Variants in CPNE8 observed in about 807,000 individuals in gnomAD.
The protein encoded by CPNE8 is copine-8.
Under a neutral mutation model 81.5 loss-of-function variants are expected in CPNE8, and 45 were observed. That is an observed-to-expected ratio of 0.55 (90% CI 0.44 to 0.71). CPNE8 has a LOEUF of 0.71. CPNE8 is among the 30% of genes least tolerant of loss of function. CPNE8 has a pLI of 0.00. For synonymous variants in CPNE8, 252 were observed against 226.3 expected (o/e 1.11, Z -1.02); for missense variants, 594 against 672.1 (o/e 0.88, Z 1.28).
At chr12:38,816,946 T>G (rs1943034592) in intron 6 of CPNE8, among the ~76,000 whole-genome samples, 1 of 152,212 alleles carries the variant, frequency 6.6e-6, no homozygotes, top group South Asian at 2.1e-4. Flanking sequence ...GGCAGCCTGA[T>G]GCACTGAGTC....
rs556493501 is a variant in CPNE8 at position 38,782,145 on chromosome 12, C to T, written c.408-5844G>A. 5.3e-5 allele frequency among the ~76,000 whole-genome samples: 8 copies of T among 152,158 alleles called. No individual in the cohort carries two copies. The South Asian group carries it at 1.7e-3, about 32-fold the overall frequency. Reference sequence around the variant, plus strand: ...CACAAGATGTTAATGTTAGAAGAAACTGGTGTGACAGGAATACAGGAATTT... The same window carrying T: ...CACAAGATGTTAATGTTAGAAGAAATTGGTGTGACAGGAATACAGGAATTT... On this transcript the variant is annotated intron_variant, in intron 6 of 19. Coordinates refer to ENST00000331366, the MANE Select transcript of CPNE8 (RefSeq NM_153634.3).
chr12:38,765,600 G>A (rs1160940731), intron 8 of CPNE8, among the ~76,000 whole-genome samples: 1 of 152,096 alleles, frequency 6.6e-6, no homozygotes, highest in African/African-American at 2.4e-5. Context: ...AATCTTTGCA[G>A]TTAAAAATGG....
At chr12:38,782,150 G>A (rs1319965855) in intron 6 of CPNE8, among the ~76,000 whole-genome samples, 2 of 152,100 alleles carry the variant, frequency 1.3e-5, no homozygotes, top group Non-Finnish European at 2.9e-5. Context: ...AGAAACTGGT[G>A]TGACAGGAAT....
Position 38,905,566 on chromosome 12 carries a change from G to T in CPNE8, c.-32C>A. 2.6e-6 allele frequency: 4 copies of T among 1,546,772 alleles called. No individual in the cohort carries two copies. The highest frequency in any genetic ancestry group is 3.5e-6 in the Non-Finnish European group (4 of 1,147,258). Reference sequence around the variant, plus strand: ...AGGAGGCGCCTTGGACTTGTCCGGCGCCCACAACCACAGCTCGGGCGGACT... The same window carrying T: ...AGGAGGCGCCTTGGACTTGTCCGGCTCCCACAACCACAGCTCGGGCGGACT... On this transcript the variant is annotated 5_prime_UTR_variant, in exon 1 of 20. Transcript: ENST00000331366.
At chr12:38,730,690 AAGTT>A (rs1258083647) in intron 10 of CPNE8, among the ~76,000 whole-genome samples, 2 of 151,564 alleles carry the variant, frequency 1.3e-5, no homozygotes, top group African/African-American at 4.8e-5. Context: ...ACTAGGATGA[AAGTT>A]AGAGACTACA....
intron 3 of CPNE8, among the ~76,000 whole-genome samples, chr12:38,852,428 CA>C (rs138401295): frequency 0.25 from 18,788 of 75,212 alleles, 1,694 homozygotes; most frequent in Non-Finnish European, 0.32. Flanking sequence ...AGCTCTGTCT[CA>C]AAAAAAAAAA....
chr12:38,664,448 T>G (rs1360871709), intron 19 of CPNE8, among the ~76,000 whole-genome samples: 1 of 152,114 alleles, frequency 6.6e-6, no homozygotes, highest in African/African-American at 2.4e-5. Flanking sequence ...AATTTGTTAA[T>G]AGTTTTCAAT....
intron 6 of CPNE8, among the ~76,000 whole-genome samples, chr12:38,828,777 G>A (rs1943239171): frequency 6.6e-6 from 1 of 152,118 alleles, no homozygotes; most frequent in African/African-American, 2.4e-5. Context: ...AAGGAGGAAA[G>A]GAGAATAAAG....
At chr12:38,766,952 A>T (rs1161338252) in intron 8 of CPNE8, among the ~76,000 whole-genome samples, 1 of 152,126 alleles carries the variant, frequency 6.6e-6, no homozygotes, top group African/African-American at 2.4e-5. Flanking sequence ...TCTCACATAC[A>T]TTAAAAACTT....
At chr12:38,901,861 A>G (rs971931679) in intron 1 of CPNE8, among the ~76,000 whole-genome samples, 3 of 152,112 alleles carry the variant, frequency 2.0e-5, no homozygotes, top group African/African-American at 7.2e-5. Flanking sequence ...CTCCTCATGC[A>G]TGAGCCTCAT....
At chr12:38,749,537 C>T (rs548470501) in intron 10 of CPNE8, among the ~76,000 whole-genome samples, 3 of 152,258 alleles carry the variant, frequency 2.0e-5, no homozygotes, top group African/African-American at 7.2e-5. Flanking sequence ...GAATGGCTTT[C>T]ACCAAAAGCC....
rs377308334 is a variant in CPNE8 at position 38,874,537 on chromosome 12, G to A, written c.99-26C>T. 3.9e-5 allele frequency: 61 copies of A among 1,569,412 alleles called. No individual in the cohort carries two copies. The African/African-American group carries it at 7.4e-4, about 19-fold the overall frequency. ...CTGTTGAATAAAACAGAAAATGTTA[G>A]CTGGATATAAAAGCAAAATATTTAT... On this transcript the variant is annotated intron_variant, in intron 1 of 19. Transcript: ENST00000331366.
In CPNE8 at chr12:38,754,188, T is replaced by C. The variant is rs529913211; in HGVS notation, c.722+6659A>G. Among the ~76,000 whole-genome samples, 11 of 152,220 alleles carry C rather than the reference T, an allele frequency of 7.2e-5. No homozygotes were observed. The South Asian group carries it at 1.5e-3, about 20-fold the overall frequency. On this transcript the variant is annotated intron_variant, in intron 10 of 19. Coordinates refer to ENST00000331366, the MANE Select transcript of CPNE8 (RefSeq NM_153634.3). ...AATGAACACAGAAGGGCTTTCCAAA[T>C]GGTGAAGCCAAGCAAATATGTGGGA...
At position 38,652,513 on chromosome 12, in the gene CPNE8, G is replaced by T. The variant is rs1001808477; in HGVS notation, c.*1369C>A. The T allele has an allele frequency of 6.6e-6, 1 of 152,300 alleles. No individual in the cohort carries two copies. Among genetic ancestry groups the T allele is most frequent in the Non-Finnish European group, 1.5e-5 (1 of 67,926 alleles). The allele number at this position is 152,300 out of a possible 1,614,324, so 9.4% of individuals were successfully genotyped here. ...TCACCCTAGGTCAACTTGGGACAAA[G>T]AAAACAATGTACAGTAGAAATAAAC... On this transcript the variant is annotated 3_prime_UTR_variant, in exon 20 of 20. Coordinates refer to ENST00000331366, the MANE Select transcript of CPNE8 (RefSeq NM_153634.3).
At chr12:38,799,094 A>T (rs1360022764) in intron 6 of CPNE8, among the ~76,000 whole-genome samples, 1 of 152,162 alleles carries the variant, frequency 6.6e-6, no homozygotes, top group Non-Finnish European at 1.5e-5. Context: ...CCACACAATA[A>T]TAATGGGAGA....
intron 10 of CPNE8, among the ~76,000 whole-genome samples, chr12:38,749,881 AG>A (rs1192006360): frequency 2.6e-5 from 4 of 152,234 alleles, no homozygotes; most frequent in Non-Finnish European, 4.4e-5. Flanking sequence ...AGTGGGCTGC[AG>A]AAATTTGCAT....
intron 1 of CPNE8, among the ~76,000 whole-genome samples, chr12:38,880,827 C>T (rs534274893): frequency 7.2e-5 from 11 of 152,038 alleles, no homozygotes; most frequent in African/African-American, 2.4e-4. Flanking sequence ...TTTAACATAA[C>T]ACACTTCAGG....
intron 13 of CPNE8, among the ~76,000 whole-genome samples, chr12:38,703,891 G>A (rs1940019304): frequency 6.6e-6 from 1 of 152,068 alleles, no homozygotes; most frequent in Non-Finnish European, 1.5e-5. Flanking sequence ...CTAACCGAGG[G>A]AGTGAAAATC....
At chr12:38,808,167 A>G (rs1164409963) in intron 6 of CPNE8, among the ~76,000 whole-genome samples, 1 of 152,166 alleles carries the variant, frequency 6.6e-6, no homozygotes, top group Non-Finnish European at 1.5e-5. Flanking sequence ...ACTGTAAACT[A>G]GTTCAACCAT....
Sources: gnomAD v4.1 joint callset for allele counts (sites outside exome capture counted in the v4.1 genomes callset) on GRCh38, gnomAD v4.1.1 for gene constraint, MANE v1.5 for transcripts, NCBI Gene and HGNC (gene_info 2026-07-23, HGNC 2026-07-21) for gene names.